ST7: variants seen among roughly 807,000 people sequenced by gnomAD.
The protein encoded by ST7 is suppression of tumorigenicity 7.
In ST7, 28 loss-of-function variants were observed where a neutral mutation model predicts 78.7. The ratio of observed to expected loss-of-function variants is 0.36; its 90% CI spans 0.26 to 0.49. ST7 has a LOEUF of 0.49. ST7 is among the 20% of genes least tolerant of loss of function. The probability of loss-of-function intolerance (pLI) is 0.99; values close to 1 mark genes in which losing one functional copy is unlikely to be tolerated. For missense variants in ST7, 418 were observed against 696.0 expected (o/e 0.60, Z 4.49); for synonymous variants, 247 against 249.6 (o/e 0.99, Z 0.10).
At chr7:117,155,399 A>G (rs1806607742) in intron 9 of ST7, among the ~76,000 whole-genome samples, 2 of 152,330 alleles carry the variant, frequency 1.3e-5, no homozygotes, top group African/African-American at 4.8e-5. Context: ...TTTGAAATGT[A>G]TACAACAGAG....
intron 9 of ST7, among the ~76,000 whole-genome samples, chr7:117,141,875 G>A (rs1329570777): frequency 6.6e-6 from 1 of 151,824 alleles, no homozygotes; most frequent in Non-Finnish European, 1.5e-5. Context: ...TTGCTATGTT[G>A]CCCAGGCTCA....
intron 10 of ST7, among the ~76,000 whole-genome samples, chr7:117,173,060 C>T (rs899993415): frequency 2.0e-5 from 3 of 152,208 alleles, no homozygotes; most frequent in African/African-American, 4.8e-5. Context: ...TTTGTTACAA[C>T]AGCCCGTCCC....
intron 3 of ST7, among the ~76,000 whole-genome samples, chr7:117,128,693 A>G (rs1405016528): frequency 6.6e-6 from 1 of 151,840 alleles, no homozygotes; most frequent in East Asian, 1.9e-4. Context: ...CCATTATCAC[A>G]CTGTGTTGAA....
intron 1 of ST7, among the ~76,000 whole-genome samples, chr7:117,092,933 T>C (rs1258472853): frequency 1.3e-5 from 2 of 152,214 alleles, no homozygotes; most frequent in African/African-American, 4.8e-5. Context: ...GCTTAGGTTA[T>C]GGTTTAGGCT....
intron 1 of ST7, among the ~76,000 whole-genome samples, chr7:117,097,224 G>T (rs930394593): frequency 6.6e-6 from 1 of 151,856 alleles, no homozygotes; most frequent in African/African-American, 2.4e-5. Context: ...TTTAGAAATG[G>T]ATTTCAATGG....
At chr7:117,208,722 C>T (rs978937364) in intron 12 of ST7, among the ~76,000 whole-genome samples, 3 of 152,112 alleles carry the variant, frequency 2.0e-5, no homozygotes, top group Non-Finnish European at 4.4e-5. Flanking sequence ...CATAAACTTC[C>T]ACGGACAGAA....
At chr7:117,033,983 C>T (rs1796753647) in intron 1 of ST7, among the ~76,000 whole-genome samples, 1 of 152,086 alleles carries the variant, frequency 6.6e-6, no homozygotes, top group Non-Finnish European at 1.5e-5. Flanking sequence ...CACTCTGCAC[C>T]CAGGCTTGAG....
chr7:116,978,568 T>TTCTA (rs201403117), intron 1 of ST7, among the ~76,000 whole-genome samples: 6,167 of 152,124 alleles, frequency 0.041, 238 homozygotes, highest in Middle Eastern at 0.11. Flanking sequence ...ATATCATACA[T>TTCTA]TCTATCTATC....
chr7:117,224,021 C>A, intron 15 of ST7: 1 of 876,022 alleles, frequency 1.1e-6, no homozygotes, highest in Non-Finnish European at 1.4e-6. Flanking sequence ...TGAAAGGGAC[C>A]TGAAGCAAAT....
At chr7:117,202,834 G>A (rs1811002482) in intron 12 of ST7, among the ~76,000 whole-genome samples, 1 of 152,104 alleles carries the variant, frequency 6.6e-6, no homozygotes, top group Admixed American at 6.5e-5. Context: ...CCACAGCTTT[G>A]TTTTTCATCA....
intron 1 of ST7, among the ~76,000 whole-genome samples, chr7:117,049,760 C>T (rs1380157053): frequency 6.6e-6 from 1 of 152,160 alleles, no homozygotes; most frequent in Non-Finnish European, 1.5e-5. Flanking sequence ...AGCTGGAGAC[C>T]TCAGTCACAT....
At chr7:117,215,607 C>T (rs1014905553) in intron 13 of ST7, among the ~76,000 whole-genome samples, 5 of 152,184 alleles carry the variant, frequency 3.3e-5, no homozygotes, top group Non-Finnish European at 5.9e-5. Context: ...TAACGACCCA[C>T]GCAAAGTCAT....
At chr7:116,999,195 G>C (rs1238329121) in intron 1 of ST7, among the ~76,000 whole-genome samples, 1 of 151,952 alleles carries the variant, frequency 6.6e-6, no homozygotes, top group African/African-American at 2.4e-5. Flanking sequence ...TTCAATAGTA[G>C]GCCTCCTAAT....
chr7:117,101,150 G>C (rs1801541228), intron 2 of ST7, among the ~76,000 whole-genome samples: 1 of 152,136 alleles, frequency 6.6e-6, no homozygotes, highest in African/African-American at 2.4e-5. Flanking sequence ...TGTGTGCAGA[G>C]AACATCCAGG....
intron 3 of ST7, among the ~76,000 whole-genome samples, chr7:117,127,379 A>C (rs1584736208): frequency 1.3e-5 from 2 of 151,934 alleles, no homozygotes; most frequent in East Asian, 3.9e-4. Flanking sequence ...GAGTTTTTGC[A>C]GACAAGATAA....
chr7:117,004,783 C>T (rs1305145030), intron 1 of ST7, among the ~76,000 whole-genome samples: 1 of 151,926 alleles, frequency 6.6e-6, no homozygotes, highest in Non-Finnish European at 1.5e-5. Flanking sequence ...AAAATAATAC[C>T]TCATTTCTAA....
chr7:117,019,586 A>G (rs1795778563), intron 1 of ST7, among the ~76,000 whole-genome samples: 1 of 152,262 alleles, frequency 6.6e-6, no homozygotes, highest in African/African-American at 2.4e-5. Context: ...ACATGTATGT[A>G]AATATATTCC....
At chr7:117,213,364 C>T (rs1262901332) in intron 13 of ST7, among the ~76,000 whole-genome samples, 1 of 152,098 alleles carries the variant, frequency 6.6e-6, no homozygotes, top group Non-Finnish European at 1.5e-5. Flanking sequence ...TTACTGGGTT[C>T]CATGTTTAAA....
chr7:116,973,647 C>T (rs983524672), intron 1 of ST7, among the ~76,000 whole-genome samples: 2 of 152,118 alleles, frequency 1.3e-5, no homozygotes, highest in African/African-American at 2.4e-5. Flanking sequence ...TAACCATTGT[C>T]CTGAAGTTGG....
Sources: allele counts gnomAD v4.1 joint callset (sites outside exome capture counted in the v4.1 genomes callset), GRCh38; gene constraint gnomAD v4.1.1; transcripts MANE v1.5; gene names NCBI Gene and HGNC (gene_info 2026-07-23, HGNC 2026-07-21).